COL4A2: variants seen among roughly 807,000 people sequenced by gnomAD.
The protein encoded by COL4A2 is collagen alpha-2(IV) chain.
In COL4A2, 99 loss-of-function variants were observed where a neutral mutation model predicts 200.2. The observed-to-expected ratio is 0.49, with a 90% CI of 0.42 to 0.58. The LOEUF (loss-of-function observed/expected upper bound fraction) is 0.58. Ranked by LOEUF, COL4A2 falls within the 20% of genes least tolerant of loss-of-function variation. The pLI is 0.00. For missense variants in COL4A2, 1,950 were observed against 2,314.1 expected, an observed-to-expected ratio of 0.84 and a Z score of 3.23; for synonymous variants, 897 against 900.6, an observed-to-expected ratio of 1.00 and a Z score of 0.07.
At chr13:110,404,717 G>A (rs968727917) in intron 4 of COL4A2, among the ~76,000 whole-genome samples, 1 of 152,210 alleles carries the variant, frequency 6.6e-6, no homozygotes, top group African/African-American at 2.4e-5. Context: ...AGACCAAGTG[G>A]ATAGAGAGAC....
chr13:110,491,958 G>A, intron 37 of COL4A2, 112 bp from the exon 38 acceptor site: 1 of 854,394 alleles, frequency 1.2e-6, no homozygotes, highest in Non-Finnish European at 1.8e-6. Context: ...TGGCACTGCG[G>A]CCCTTCCGGC....
chr13:110,379,229 T>C (rs922546498), intron 4 of COL4A2, among the ~76,000 whole-genome samples: 1 of 152,178 alleles, frequency 6.6e-6, no homozygotes, highest in African/African-American at 2.4e-5. Flanking sequence ...ACACATCCTA[T>C]ATGCACAGGA....
At chr13:110,333,333 C>T (rs1876016214) in intron 3 of COL4A2, among the ~76,000 whole-genome samples, 1 of 152,200 alleles carries the variant, frequency 6.6e-6, no homozygotes. Context: ...AGTCCCACAC[C>T]TCTTGCAGCC....
At chr13:110,505,671 C>T (rs956803380) in intron 45 of COL4A2, among the ~76,000 whole-genome samples, 15 of 152,174 alleles carry the variant, frequency 9.9e-5, no homozygotes, top group African/African-American at 3.4e-4. Context: ...GAGCCACCCC[C>T]GTGTGCTCCT....
At chr13:110,376,688 G>T (rs1234535718) in intron 4 of COL4A2, among the ~76,000 whole-genome samples, 2 of 152,184 alleles carry the variant, frequency 1.3e-5, no homozygotes, top group East Asian at 3.9e-4. Context: ...TAGTTCTGCA[G>T]GCCCAGGAGG....
intron 3 of COL4A2, among the ~76,000 whole-genome samples, chr13:110,354,913 A>G (rs1449232125): frequency 6.6e-6 from 1 of 152,186 alleles, no homozygotes; most frequent in Non-Finnish European, 1.5e-5. Flanking sequence ...GGGCCTGGCC[A>G]TGCCACTTGC....
intron 37 of COL4A2, among the ~76,000 whole-genome samples, 177 bp from the exon 38 acceptor site, chr13:110,491,893 G>A (rs1203890705): frequency 6.6e-6 from 1 of 152,216 alleles, no homozygotes; most frequent in Non-Finnish European, 1.5e-5. Flanking sequence ...TGTATGTGGG[G>A]TCTAAGACCA....
rs754253271 is a variant in COL4A2, at chr13:110,503,236, C to T, written c.3993C>T (p.Ser1331=). The T allele has an allele frequency of 3.5e-5, 57 of 1,613,378 alleles. No individual in the cohort carries two copies. The South Asian group carries it at 3.7e-4, about 11-fold the overall frequency. Residue 1331 remains serine, a synonymous_variant, in exon 42 of 48, where the codon TCC becomes TCT. Coordinates refer to ENST00000360467, the MANE Select transcript of COL4A2 (RefSeq NM_001846.4). ...TPGTKGWAGD[S]GPQGRPGVFG... ...GGACCAAAGGATGGGCCGGGGACTC[C>T]GGGCCCCAGGGCAGGCCTGGTGTGT...
intron 4 of COL4A2, among the ~76,000 whole-genome samples, chr13:110,365,351 G>T (rs1877698527): frequency 6.6e-6 from 1 of 152,156 alleles, no homozygotes; most frequent in African/African-American, 2.4e-5. Context: ...ATGTTGGCCA[G>T]GATGGTCTCG....
chr13:110,330,499 G>C (rs889422512), intron 3 of COL4A2, among the ~76,000 whole-genome samples: 1 of 152,150 alleles, frequency 6.6e-6, no homozygotes, highest in East Asian at 1.9e-4. Flanking sequence ...CTCCCCATCT[G>C]CCTGTTCACA....
At chr13:110,482,364 G>C in intron 31 of COL4A2, 152 bp from the exon 32 acceptor site, 3 of 792,946 alleles carry the variant, frequency 3.8e-6, no homozygotes, top group Non-Finnish European at 4.1e-6. Flanking sequence ...GAGAGAAGTT[G>C]CTTAGAAGAT....
intron 3 of COL4A2, among the ~76,000 whole-genome samples, chr13:110,345,120 C>A (rs1482515536): frequency 6.6e-6 from 1 of 152,076 alleles, no homozygotes; most frequent in African/African-American, 2.4e-5. Flanking sequence ...TGTGATTTGA[C>A]TTTCTTCTTC....
intron 3 of COL4A2, among the ~76,000 whole-genome samples, chr13:110,343,469 C>T (rs1444997396): frequency 6.6e-6 from 1 of 152,166 alleles, no homozygotes; most frequent in Non-Finnish European, 1.5e-5. Flanking sequence ...CTGAAAGCTG[C>T]CAGGCGTGAT....
intron 3 of COL4A2, among the ~76,000 whole-genome samples, chr13:110,355,091 A>G (rs1877135052): frequency 6.6e-6 from 1 of 152,258 alleles, no homozygotes; most frequent in African/African-American, 2.4e-5. Context: ...TTTGCTTAAC[A>G]TTGGAAAGGG....
At position 110,343,279 on chromosome 13, in the gene COL4A2, G is replaced by A. The variant is rs540034463; in HGVS notation, c.100-14193G>A. On this transcript the variant is annotated intron_variant, in intron 3 of 47. Transcript: ENST00000360467. ...TCCCAAATAACGGAGTGCTGCCTGCGCCTGTCCGTACCCAGTGGGTGCTCT... is the reference window on the plus strand; with the variant it reads ...TCCCAAATAACGGAGTGCTGCCTGCACCTGTCCGTACCCAGTGGGTGCTCT... Among the ~76,000 whole-genome samples, 8 of 152,234 alleles carry A rather than the reference G, an allele frequency of 5.3e-5. No individual in the cohort carries two copies. In the East Asian group the frequency reaches 1.5e-3, roughly 29 times the overall value.
At chr13:110,481,638 T>TGG (rs1566559512) in intron 31 of COL4A2, among the ~76,000 whole-genome samples, 992 of 78,320 alleles carry the variant, frequency 0.013, no homozygotes, top group Non-Finnish European at 0.018. Flanking sequence ...GGAGACACAC[T>TGG]GTTCTGTCCT....
In COL4A2 at chr13:110,351,219, T is replaced by TTTTGTTTG. The variant is rs58217892; in HGVS notation, c.100-6234_100-6227dup. Among the ~76,000 whole-genome samples the TTTTGTTTG allele has an allele frequency of 2.7e-3, 407 of 150,028 alleles. 3 individuals carry two copies. The highest frequency in any genetic ancestry group is 0.02 in the Middle Eastern group (6 of 294). ...GTGCACCACCACACCCAGCTATTCTTTTTGTTTGTTTGTTTGTTTGTTTGT... is the reference window on the plus strand; with the variant it reads ...GTGCACCACCACACCCAGCTATTCTTTTTGTTTGTTTGTTTGTTTGTTTGTTTGTTTGT... On this transcript the variant is annotated intron_variant, in intron 3 of 47. Transcript: ENST00000360467.
chr13:110,495,570 G>A (rs1399791381), intron 40 of COL4A2, 103 bp downstream of exon 40: 2 of 1,460,368 alleles, frequency 1.4e-6, no homozygotes, highest in Admixed American at 2.4e-5. Context: ...CTGTGCAGAA[G>A]TGCAGGAAAG....
At chr13:110,312,392 G>GA (rs1213099625) in intron 3 of COL4A2, among the ~76,000 whole-genome samples, 4 of 152,088 alleles carry the variant, frequency 2.6e-5, no homozygotes, top group Non-Finnish European at 4.4e-5. Context: ...TTCTAGAATA[G>GA]AAAAAAGATT....
Sources: gnomAD v4.1 joint callset for allele counts (sites outside exome capture counted in the v4.1 genomes callset) on GRCh38, gnomAD v4.1.1 for gene constraint, MANE v1.5 for transcripts, NCBI Gene and HGNC (gene_info 2026-07-23, HGNC 2026-07-21) for gene names.